The following CAMK2B variants were observed in gnomAD, a reference collection of about 807,000 sequenced individuals.
The protein encoded by CAMK2B is calcium/calmodulin-dependent protein kinase type II subunit beta.
CAMK2B carries 27 observed loss-of-function variants against 93.7 expected under a neutral mutation model. The observed-to-expected ratio is 0.29, with a 90% CI of 0.21 to 0.40. The LOEUF (loss-of-function observed/expected upper bound fraction) is 0.40, where lower values mean the gene tolerates loss of function less well. Among genes scored for constraint, CAMK2B ranks in the 10% least tolerant of loss-of-function variants. The pLI is 1.00. For synonymous variants in CAMK2B, 374 were observed against 358.8 expected (o/e 1.04, Z -0.48); for missense variants, 568 against 895.8 (o/e 0.63, Z 4.67).
chr7:44,294,045 T>G (rs1787601100), intron 1 of CAMK2B, among the ~76,000 whole-genome samples: 1 of 152,026 alleles, frequency 6.6e-6, no homozygotes, highest in Non-Finnish European at 1.5e-5. Context: ...TGAGGTCGGG[T>G]GGGGTCCGAC....
chr7:44,300,923 A>G (rs1277971648), intron 1 of CAMK2B, among the ~76,000 whole-genome samples: 1 of 152,242 alleles, frequency 6.6e-6, no homozygotes. Flanking sequence ...GTAATCATAT[A>G]AAGTACGCTC....
At chr7:44,243,749 A>G (rs2096704772) in intron 6 of CAMK2B, among the ~76,000 whole-genome samples, 1 of 152,200 alleles carries the variant, frequency 6.6e-6, no homozygotes, top group South Asian at 2.1e-4. Context: ...CCCTGGGGAC[A>G]GAGACACAGC....
chr7:44,256,581 G>C (rs1451703554), intron 4 of CAMK2B, among the ~76,000 whole-genome samples: 2 of 152,252 alleles, frequency 1.3e-5, no homozygotes, highest in African/African-American at 4.8e-5. Context: ...CCCACATCTA[G>C]CCCAGGCAAG....
At chr7:44,287,170 C>T (rs1472267487) in intron 1 of CAMK2B, among the ~76,000 whole-genome samples, 1 of 152,140 alleles carries the variant, frequency 6.6e-6, no homozygotes, top group Admixed American at 6.5e-5. Flanking sequence ...CTGCGCCCCG[C>T]TCCTGGGCTC....
intron 1 of CAMK2B, among the ~76,000 whole-genome samples, chr7:44,288,340 G>T (rs768828636): frequency 1.2e-4 from 19 of 152,256 alleles, no homozygotes; most frequent in Non-Finnish European, 2.4e-4. Flanking sequence ...GACACTGCAG[G>T]TGCATAGGCT....
intron 16 of CAMK2B, 85 bp from the exon 17 acceptor site, chr7:44,231,139 T>C: frequency 5.1e-6 from 5 of 983,878 alleles, no homozygotes; most frequent in Non-Finnish European, 6.0e-6. Context: ...GGGCTGGGCC[T>C]GTGTCAGGAC....
chr7:44,285,206 G>A (rs886308679), intron 1 of CAMK2B, among the ~76,000 whole-genome samples: 2 of 152,246 alleles, frequency 1.3e-5, no homozygotes, highest in Admixed American at 6.5e-5. Context: ...TAGTCACCAC[G>A]GTTGATTTAA....
chr7:44,288,738 A>G (rs1301488692), intron 1 of CAMK2B, among the ~76,000 whole-genome samples: 1 of 152,150 alleles, frequency 6.6e-6, no homozygotes. Context: ...CTGTCCTGAG[A>G]GAGAAGGGGA....
intron 12 of CAMK2B, among the ~76,000 whole-genome samples, chr7:44,240,496 T>G: frequency 1.3e-5 from 2 of 151,922 alleles, no homozygotes; most frequent in African/African-American, 2.4e-5. Flanking sequence ...AGCACGAAGG[T>G]GATGGCCTCG....
intron 1 of CAMK2B, among the ~76,000 whole-genome samples, chr7:44,306,165 G>A (rs1791451805): frequency 1.3e-5 from 2 of 152,058 alleles, no homozygotes; most frequent in Admixed American, 1.3e-4. Flanking sequence ...CTCTTCCTGA[G>A]GAGAGGGCTC....
chr7:44,288,190 G>A (rs1785667277), intron 1 of CAMK2B, among the ~76,000 whole-genome samples: 1 of 152,220 alleles, frequency 6.6e-6, no homozygotes, highest in African/African-American at 2.4e-5. Flanking sequence ...GGTACCCCAA[G>A]TAAATAAGGC....
chr7:44,222,963 A>G (rs1408206133), intron 20 of CAMK2B, among the ~76,000 whole-genome samples: 2 of 152,222 alleles, frequency 1.3e-5, no homozygotes, highest in Non-Finnish European at 2.9e-5. Flanking sequence ...CCTGCTGCAC[A>G]GTGACAGCAG....
intron 1 of CAMK2B, among the ~76,000 whole-genome samples, chr7:44,301,866 A>G (rs1474648636): frequency 6.6e-6 from 1 of 152,190 alleles, no homozygotes; most frequent in Non-Finnish European, 1.5e-5. Flanking sequence ...AGCAAATTAA[A>G]TCCAAAGTAA....
chr7:44,294,966 G>A (rs1787896084), intron 1 of CAMK2B, among the ~76,000 whole-genome samples: 1 of 152,204 alleles, frequency 6.6e-6, no homozygotes, highest in Non-Finnish European at 1.5e-5. Flanking sequence ...GGAAAGTCAA[G>A]GGAAGACAAT....
chr7:44,247,087 A>G, intron 6 of CAMK2B, 33 bp downstream of exon 6: 5 of 1,569,816 alleles, frequency 3.2e-6, no homozygotes, highest in Non-Finnish European at 4.4e-6. Flanking sequence ...TACAGACAAC[A>G]GACACCTGGC....
At chr7:44,291,734 G>A (rs1786893056) in intron 1 of CAMK2B, among the ~76,000 whole-genome samples, 1 of 152,230 alleles carries the variant, frequency 6.6e-6, no homozygotes, top group Non-Finnish European at 1.5e-5. Flanking sequence ...CAAGCGTTTA[G>A]GAGGTCTCCA....
chr7:44,277,772 A>C (rs1331064068), intron 2 of CAMK2B, among the ~76,000 whole-genome samples: 14 of 150,338 alleles, frequency 9.3e-5, no homozygotes, highest in Non-Finnish European at 2.1e-4. Flanking sequence ...GCAGGGGGGA[A>C]GGCCATTGCT....
chr7:44,317,248 G>GAA (rs556397526), intron 1 of CAMK2B, among the ~76,000 whole-genome samples: 13,305 of 104,964 alleles, frequency 0.13, 888 homozygotes, highest in Non-Finnish European at 0.19. Flanking sequence ...CAGGAAAAAT[G>GAA]AAAAAAAAAA....
At chr7:44,226,728 G>C in intron 19 of CAMK2B, 84 bp from the exon 20 acceptor site, 1 of 1,032,072 alleles carries the variant, frequency 9.7e-7, no homozygotes, top group Non-Finnish European at 1.3e-6. Context: ...AGCCAAGCCA[G>C]AGATTGAGGG....
Sources: gnomAD v4.1 joint callset for allele counts (sites outside exome capture counted in the v4.1 genomes callset) on GRCh38, gnomAD v4.1.1 for gene constraint, MANE v1.5 for transcripts, NCBI Gene and HGNC (gene_info 2026-07-23, HGNC 2026-07-21) for gene names.